The following PHF21B variants were observed in gnomAD, a reference collection of about 807,000 sequenced individuals.
PHF21B encodes the protein PHD finger protein 21B.
Under a neutral mutation model 62.2 loss-of-function variants are expected in PHF21B, and 22 were observed. That is an observed-to-expected ratio of 0.35 (90% CI 0.25 to 0.51). PHF21B has a LOEUF of 0.51. Ranked by LOEUF, PHF21B falls within the 20% of genes least tolerant of loss-of-function variation. The pLI, the probability that PHF21B is intolerant of heterozygous loss-of-function variation, is 0.97. For synonymous variants in PHF21B, 341 were observed against 314.7 expected (o/e 1.08, Z -0.88); for missense variants, 701 against 707.9 (o/e 0.99, Z 0.11).
At chr22:44,911,554 G>A (rs1177366242) in intron 5 of PHF21B, among the ~76,000 whole-genome samples, 2 of 152,244 alleles carry the variant, frequency 1.3e-5, no homozygotes, top group African/African-American at 4.8e-5. Context: ...TGTTGCTTCA[G>A]AGGGTGGAAG....
Position 44,896,880 on chromosome 22 carries a change from G to GTTTTTTTTTTTTTTTTTT in PHF21B, c.832-798_832-797insAAAAAAAAAAAAAAAAAA, listed in dbSNP as rs56878868. On this transcript the variant is annotated intron_variant, in intron 5 of 12. Coordinates refer to ENST00000313237, the MANE Select transcript of PHF21B (RefSeq NM_138415.5). Reference sequence around the variant, plus strand: ...AACAGGGTGGCACTTAGTTTTATCTGTTTTTTTTTTTTTTTTGAGACAGGT... The same window carrying GTTTTTTTTTTTTTTTTTT: ...AACAGGGTGGCACTTAGTTTTATCTGTTTTTTTTTTTTTTTTTTTTTTTTTTTTTTTTTTGAGACAGGT... Among the ~76,000 whole-genome samples the GTTTTTTTTTTTTTTTTTT allele has an allele frequency of 1.6e-3, 133 of 84,018 alleles. 6 individuals are homozygous for GTTTTTTTTTTTTTTTTTT. Among genetic ancestry groups the GTTTTTTTTTTTTTTTTTT allele is most frequent in the Admixed American group, 2.2e-3 (15 of 6,762 alleles). 55.1% of individuals were successfully genotyped at this position (84,018 alleles called of 152,430 possible). A position where few individuals can be genotyped will look rare whatever the true frequency, so the allele number is the denominator to read the frequency against.
At chr22:44,948,209 T>C (rs972983979) in intron 2 of PHF21B, among the ~76,000 whole-genome samples, 1 of 152,218 alleles carries the variant, frequency 6.6e-6, no homozygotes, top group African/African-American at 2.4e-5. Flanking sequence ...TACATTGTAA[T>C]AGATAATGAA....
chr22:44,919,846 C>G (rs916887569), intron 3 of PHF21B, among the ~76,000 whole-genome samples: 2 of 152,238 alleles, frequency 1.3e-5, no homozygotes, highest in Non-Finnish European at 2.9e-5. Flanking sequence ...GGCACCTGCA[C>G]CAGTCCCTCT....
chr22:44,935,158 G>A (rs999738958), intron 2 of PHF21B, among the ~76,000 whole-genome samples: 4 of 152,160 alleles, frequency 2.6e-5, no homozygotes, highest in Non-Finnish European at 4.4e-5. Context: ...CGTCTAACTG[G>A]AAGCTTCAGG....
intron 2 of PHF21B, among the ~76,000 whole-genome samples, chr22:44,998,306 A>T (rs541526444): frequency 6.6e-6 from 1 of 152,352 alleles, no homozygotes; most frequent in East Asian, 1.9e-4. Flanking sequence ...AGCAACTCTC[A>T]CACACAGGCT....
intron 2 of PHF21B, among the ~76,000 whole-genome samples, chr22:44,981,231 G>A (rs1324843754): frequency 6.6e-6 from 1 of 152,168 alleles, no homozygotes; most frequent in Non-Finnish European, 1.5e-5. Flanking sequence ...AGAGGGAGGA[G>A]GAGGCAAGAA....
chr22:44,980,771 G>A (rs2072826828), intron 2 of PHF21B, among the ~76,000 whole-genome samples: 1 of 152,124 alleles, frequency 6.6e-6, no homozygotes, highest in Non-Finnish European at 1.5e-5. Flanking sequence ...AACAAGGCCA[G>A]GGTCCTCTGC....
intron 2 of PHF21B, among the ~76,000 whole-genome samples, chr22:45,004,534 G>A (rs2073278961): frequency 6.6e-6 from 1 of 152,162 alleles, no homozygotes; most frequent in African/African-American, 2.4e-5. Context: ...ATTTTTTTCT[G>A]CAATGTATAA....
chr22:44,961,718 G>T (rs184728894), intron 2 of PHF21B, among the ~76,000 whole-genome samples: 3 of 152,126 alleles, frequency 2.0e-5, no homozygotes, highest in African/African-American at 7.2e-5. Context: ...GTGCACCCCT[G>T]TAATCCCAGC....
chr22:44,933,716 A>AAG (rs752277912), intron 2 of PHF21B, among the ~76,000 whole-genome samples: 4,625 of 148,420 alleles, frequency 0.031, 90 homozygotes, highest in African/African-American at 0.045. Context: ...TCGTGCAGAT[A>AAG]AGAGAGAGAG....
chr22:44,961,943 T>C (rs1476411008), intron 2 of PHF21B, among the ~76,000 whole-genome samples: 2 of 152,134 alleles, frequency 1.3e-5, no homozygotes, highest in East Asian at 3.8e-4. Context: ...GGGCATTATT[T>C]TATTTTTTTT....
chr22:44,904,448 C>A (rs889753396), intron 5 of PHF21B, among the ~76,000 whole-genome samples: 10 of 152,230 alleles, frequency 6.6e-5, no homozygotes, highest in Admixed American at 6.5e-4. Context: ...AACCCTTAGT[C>A]TTCCTATGTG....
At chr22:44,987,436 C>T (rs1267656766) in intron 2 of PHF21B, among the ~76,000 whole-genome samples, 1 of 152,160 alleles carries the variant, frequency 6.6e-6, no homozygotes, top group Admixed American at 6.5e-5. Flanking sequence ...CTTCACACTT[C>T]CAGGTCTACA....
rs1372049119 is a variant in PHF21B, at chr22:44,916,314, T to G, written c.530A>C (p.Lys177Thr). ...AGCACTGATGAGGAGGGGCTGGACTTTGATGCTGTCACTGACCACAGACAC... is the reference window on the plus strand; with the variant it reads ...AGCACTGATGAGGAGGGGCTGGACTGTGATGCTGTCACTGACCACAGACAC... ...TAVSVVSDSI[K>T]VQPLLISADN... The change falls in exon 4 of 13, where the codon AAA (lysine) becomes ACA (threonine). Residue 177 changes from lysine (K) to threonine (T), a missense_variant. Transcript: ENST00000313237. The G allele has an allele frequency of 1.2e-6, 2 of 1,600,602 alleles. No individual in the cohort carries two copies. Among genetic ancestry groups the G allele is most frequent in the African/African-American group, 1.3e-5 (1 of 74,212 alleles).
At chr22:44,889,917 G>C in intron 8 of PHF21B, 135 bp from the exon 9 acceptor site, 7 of 904,318 alleles carry the variant, frequency 7.7e-6, no homozygotes, top group Non-Finnish European at 1.1e-5. Flanking sequence ...AGGCCCCCAT[G>C]ATACCTGGGC....
chr22:44,934,434 G>GT (rs1042752951), intron 2 of PHF21B, among the ~76,000 whole-genome samples: 1 of 152,158 alleles, frequency 6.6e-6, no homozygotes, highest in South Asian at 2.1e-4. Context: ...ACGAGCAGGA[G>GT]TTTTTTTCAG....
chr22:44,996,040 CA>C (rs2073116923), intron 2 of PHF21B, among the ~76,000 whole-genome samples: 1 of 152,126 alleles, frequency 6.6e-6, no homozygotes, highest in Admixed American at 6.5e-5. Context: ...TGCCCATATC[CA>C]AACATCACAC....
rs1025488414 is a variant in PHF21B, at chr22:44,883,368, C to A, written c.1378-64G>T. ...CGGCTCTACAGCCATCCTGGGGCAG[C>A]CACCGTCTGGGCCCCTCTCCCCTCC... On this transcript the variant is annotated intron_variant, in intron 12 of 12. Coordinates refer to ENST00000313237, the MANE Select transcript of PHF21B (RefSeq NM_138415.5). The A allele has an allele frequency of 3.3e-6, 5 of 1,505,882 alleles. No individual in the cohort carries two copies. The Admixed American group carries it at 8.9e-5, about 27-fold the overall frequency. The allele number at this position is 1,505,882 out of a possible 1,614,324, so 93.3% of individuals were successfully genotyped here.
At chr22:44,917,365 G>C (rs1186401359) in intron 3 of PHF21B, among the ~76,000 whole-genome samples, 3 of 152,126 alleles carry the variant, frequency 2.0e-5, no homozygotes, top group African/African-American at 7.2e-5. Flanking sequence ...ACTTGACTGA[G>C]GGCTGTCACC....
Sources: allele counts gnomAD v4.1 joint callset (sites outside exome capture counted in the v4.1 genomes callset), GRCh38; gene constraint gnomAD v4.1.1; transcripts MANE v1.5; gene names NCBI Gene and HGNC (gene_info 2026-07-23, HGNC 2026-07-21).